The following XYLT1 variants were observed in gnomAD, a reference collection of about 807,000 sequenced individuals.
XYLT1 encodes the protein xylosyltransferase 1, also known as beta-D-xylosyltransferase 1.
A neutral mutation model predicts 91.3 loss-of-function variants in XYLT1; 36 were observed. The observed-to-expected ratio is 0.39, with a 90% CI of 0.30 to 0.52. XYLT1 has a LOEUF of 0.52. Ranked by LOEUF, XYLT1 falls within the 20% of genes least tolerant of loss-of-function variation. The pLI is 0.68. For synonymous variants in XYLT1, 588 were observed against 532.0 expected (o/e 1.11, Z -1.45); for missense variants, 1,242 against 1,284.5 (o/e 0.97, Z 0.51).
chr16:17,344,793 C>T lies in XYLT1; in HGVS notation c.402+13219G>A, dbSNP rs565821055. Among the ~76,000 whole-genome samples the T allele has an allele frequency of 1.4e-3, 210 of 151,990 alleles. 1 individual carries two copies. Among genetic ancestry groups the T allele is most frequent in the Non-Finnish European group, 2.3e-3 (159 of 67,958 alleles). On this transcript the variant is annotated intron_variant, in intron 2 of 11. Coordinates refer to ENST00000261381, the MANE Select transcript of XYLT1 (RefSeq NM_022166.4). ...TTGGCTCACTGCAACCTCTGCCTTC[C>T]GGATTCAAGTGATTCTCCTGCCTCA...
intron 2 of XYLT1, among the ~76,000 whole-genome samples, chr16:17,288,238 T>A (rs1180952332): frequency 6.6e-6 from 1 of 151,430 alleles, no homozygotes; most frequent in East Asian, 2.0e-4. Context: ...CTAGACATAA[T>A]TCTTCAGGTG....
chr16:17,393,931 G>A (rs755303639), intron 1 of XYLT1, among the ~76,000 whole-genome samples: 20 of 151,888 alleles, frequency 1.3e-4, no homozygotes, highest in Non-Finnish European at 1.8e-4. Context: ...GCCCGCCACC[G>A]CACCTGGCTA....
At chr16:17,378,678 C>T (rs531729996) in intron 1 of XYLT1, among the ~76,000 whole-genome samples, 18 of 152,260 alleles carry the variant, frequency 1.2e-4, no homozygotes, top group African/African-American at 3.6e-4. Context: ...ATGTTTTCAC[C>T]GTCACGACAA....
intron 1 of XYLT1, among the ~76,000 whole-genome samples, chr16:17,388,052 C>A (rs539891641): frequency 6.6e-6 from 1 of 152,156 alleles, no homozygotes; most frequent in Non-Finnish European, 1.5e-5. Context: ...ATGCATTTAA[C>A]GCACCTAACC....
Position 17,382,399 on chromosome 16 carries a change from G to A in XYLT1, c.364-24349C>T, listed in dbSNP as rs563340547. ...CCCCAGTGGAACTCACTAGCCACAC[G>A]TGGCTGCCCACCACTTGAAATGTGG... On this transcript the variant is annotated intron_variant, in intron 1 of 11. Transcript: ENST00000261381. Among the ~76,000 whole-genome samples, 3 of 152,008 alleles carry A rather than the reference G, an allele frequency of 2.0e-5. 1 individual carries two copies. The South Asian group carries it at 6.2e-4, about 32-fold the overall frequency.
At chr16:17,143,847 CCAT>C (rs140034424) in intron 6 of XYLT1, among the ~76,000 whole-genome samples, 8 of 143,910 alleles carry the variant, frequency 5.6e-5, no homozygotes, top group African/African-American at 2.3e-4. Context: ...GTCATCATCA[CCAT>C]CATCATCACA....
At chr16:17,149,021 A>G (rs927957468) in intron 6 of XYLT1, among the ~76,000 whole-genome samples, 3 of 152,234 alleles carry the variant, frequency 2.0e-5, no homozygotes, top group African/African-American at 4.8e-5. Flanking sequence ...ACTAAGGAAA[A>G]AGTCACAGCT....
intron 2 of XYLT1, among the ~76,000 whole-genome samples, chr16:17,281,376 G>A (rs1441868931): frequency 6.6e-6 from 1 of 152,152 alleles, no homozygotes; most frequent in Admixed American, 6.6e-5. Context: ...TGGCTCCATG[G>A]TACTCTGTGG....
At chr16:17,324,038 A>G (rs2034763909) in intron 2 of XYLT1, among the ~76,000 whole-genome samples, 1 of 152,188 alleles carries the variant, frequency 6.6e-6, no homozygotes, top group African/African-American at 2.4e-5. Flanking sequence ...TAGAAAGCTC[A>G]TTTGTTTTAG....
intron 10 of XYLT1, 146 bp downstream of exon 10, chr16:17,127,520 T>C: frequency 1.0e-6 from 1 of 998,110 alleles, no homozygotes; most frequent in Non-Finnish European, 1.5e-6. Flanking sequence ...CCGGAGAACC[T>C]TCTTCGGGCA....
intron 3 of XYLT1, among the ~76,000 whole-genome samples, chr16:17,245,861 G>A (rs1040520865): frequency 1.3e-5 from 2 of 152,294 alleles, no homozygotes; most frequent in Middle Eastern, 3.4e-3. Flanking sequence ...GGAGGTAACC[G>A]CGGCTGGCTA....
At chr16:17,387,731 C>T (rs1247849457) in intron 1 of XYLT1, among the ~76,000 whole-genome samples, 1 of 152,080 alleles carries the variant, frequency 6.6e-6, no homozygotes, top group East Asian at 1.9e-4. Flanking sequence ...CCACATGGAA[C>T]CCCTTCTCCT....
chr16:17,119,795 G>A (rs4594246), intron 10 of XYLT1, among the ~76,000 whole-genome samples: 145,082 of 152,168 alleles, frequency 0.95, 69,224 homozygotes, highest in Middle Eastern at 0.98. Flanking sequence ...ATAAAGTCCA[G>A]CCCCAGAGGC....
chr16:17,199,833 A>G (rs1334718353), intron 4 of XYLT1, among the ~76,000 whole-genome samples: 1 of 152,164 alleles, frequency 6.6e-6, no homozygotes, highest in African/African-American at 2.4e-5. Flanking sequence ...GTATGTCTTT[A>G]TTAGCAGCAT....
intron 5 of XYLT1, chr16:17,194,048 T>G (rs960935037): frequency 1.3e-5 from 2 of 152,228 alleles, no homozygotes; most frequent in Non-Finnish European, 2.9e-5. Flanking sequence ...CTCTCTTTTC[T>G]GAACCCCAAA....
chr16:17,209,345 T>C (rs1218738295), intron 3 of XYLT1, among the ~76,000 whole-genome samples: 1 of 152,240 alleles, frequency 6.6e-6, no homozygotes, highest in East Asian at 1.9e-4. Flanking sequence ...TCATTCCTTT[T>C]TCAGGGCAAG....
intron 1 of XYLT1, among the ~76,000 whole-genome samples, chr16:17,449,553 A>G (rs571160901): frequency 6.6e-6 from 1 of 152,344 alleles, no homozygotes; most frequent in Non-Finnish European, 1.5e-5. Flanking sequence ...CAACCTTGCG[A>G]GAGTTACTTC....
At chr16:17,431,141 T>A (rs2036384910) in intron 1 of XYLT1, among the ~76,000 whole-genome samples, 1 of 152,118 alleles carries the variant, frequency 6.6e-6, no homozygotes, top group Non-Finnish European at 1.5e-5. Flanking sequence ...GAATGCTGAG[T>A]AGCCACAAAA....
intron 1 of XYLT1, among the ~76,000 whole-genome samples, chr16:17,463,472 G>T (rs539487562): frequency 6.6e-6 from 1 of 152,322 alleles, no homozygotes; most frequent in South Asian, 2.1e-4. Flanking sequence ...ATAAAAAAAT[G>T]CACAGCATCA....
Sources: allele counts gnomAD v4.1 joint callset (sites outside exome capture counted in the v4.1 genomes callset), GRCh38; gene constraint gnomAD v4.1.1; transcripts MANE v1.5; gene names NCBI Gene and HGNC (gene_info 2026-07-23, HGNC 2026-07-21).